PRKN: variants seen among roughly 807,000 people sequenced by gnomAD.
PRKN encodes the protein parkin RBR E3 ubiquitin protein ligase, also known as E3 ubiquitin-protein ligase parkin.
In PRKN, 56 loss-of-function variants were observed where a neutral mutation model predicts 59.5. The ratio of observed to expected loss-of-function variants is 0.94; its 90% CI spans 0.76 to 1.18. The LOEUF (loss-of-function observed/expected upper bound fraction) is 1.18. Ranked by LOEUF, PRKN falls within the 50% of genes most tolerant of loss-of-function variation. PRKN has a pLI of 0.00. For synonymous variants in PRKN, 250 were observed against 222.1 expected, an observed-to-expected ratio of 1.13 and a Z score of -1.12; for missense variants, 657 against 596.4, an observed-to-expected ratio of 1.10 and a Z score of -1.06.
intron 1 of PRKN, among the ~76,000 whole-genome samples, chr6:162,518,069 G>C (rs888550828): frequency 1.3e-5 from 2 of 152,110 alleles, no homozygotes; most frequent in East Asian, 3.9e-4. Context: ...GTTTTCATAG[G>C]TCAAGAGCTT....
At chr6:162,193,586 G>A (rs1394425387) in intron 4 of PRKN, among the ~76,000 whole-genome samples, 1 of 152,102 alleles carries the variant, frequency 6.6e-6, no homozygotes, top group South Asian at 2.1e-4. Flanking sequence ...ATGATCTGAT[G>A]TTTTCCTAAA....
chr6:162,536,996 T>C (rs1778746472), intron 1 of PRKN, among the ~76,000 whole-genome samples: 2 of 152,278 alleles, frequency 1.3e-5, no homozygotes, highest in East Asian at 1.9e-4. Context: ...AAGAGTTTTC[T>C]AACAATTATA....
At position 161,843,921 on chromosome 6, in the gene PRKN, T is replaced by C. The variant is rs534657994; in HGVS notation, c.735-58013A>G. Among the ~76,000 whole-genome samples, 9 of 152,284 alleles carry C rather than the reference T, an allele frequency of 5.9e-5. No individual in the cohort carries two copies. In the East Asian group the frequency reaches 1.7e-3, roughly 29 times the overall value. On this transcript the variant is annotated intron_variant, in intron 6 of 11. Transcript: ENST00000366898. The stretch of plus-strand genomic sequence containing the variant: ...CCCCTCCCTAGGATCCCTGTTGGGA[T>C]CTCTGGAGATGGTAACCTGCGTGGA...
intron 6 of PRKN, among the ~76,000 whole-genome samples, chr6:161,887,219 A>G (rs1795186629): frequency 1.3e-5 from 2 of 152,324 alleles, no homozygotes; most frequent in Admixed American, 1.3e-4. Context: ...TGGAGTAACT[A>G]TCTTGATTTG....
intron 2 of PRKN, among the ~76,000 whole-genome samples, chr6:162,301,788 G>GGGGT (rs1781969973): frequency 8.8e-6 from 1 of 113,820 alleles, no homozygotes; most frequent in Admixed American, 1.1e-4. Flanking sequence ...CGGGGCGGGG[G>GGGGT]GGGGGTGCAG....
chr6:161,855,283 C>T (rs35414624), intron 6 of PRKN, among the ~76,000 whole-genome samples: 1,645 of 152,072 alleles, frequency 0.011, 15 homozygotes, highest in Non-Finnish European at 0.016. Flanking sequence ...TAACATGCTG[C>T]CAGTTAAGAA....
At chr6:162,525,306 C>G (rs1198553772) in intron 1 of PRKN, among the ~76,000 whole-genome samples, 4 of 152,158 alleles carry the variant, frequency 2.6e-5, no homozygotes, top group Non-Finnish European at 5.9e-5. Context: ...CAGCTGCTGT[C>G]CCCTGGGTTC....
intron 6 of PRKN, among the ~76,000 whole-genome samples, chr6:161,878,971 T>A (rs941523167): frequency 6.6e-6 from 1 of 152,124 alleles, no homozygotes; most frequent in Non-Finnish European, 1.5e-5. Context: ...TCTTTGAGAG[T>A]TCCAGTGGCT....
intron 9 of PRKN, among the ~76,000 whole-genome samples, chr6:161,449,588 C>T (rs1388303322): frequency 2.0e-5 from 3 of 151,962 alleles, no homozygotes; most frequent in African/African-American, 7.3e-5. Flanking sequence ...ATAAGCTGAC[C>T]CATAAGTGCA....
At chr6:162,720,741 C>T (rs369588176) in intron 1 of PRKN, among the ~76,000 whole-genome samples, 2 of 152,108 alleles carry the variant, frequency 1.3e-5, no homozygotes, top group South Asian at 2.1e-4. Flanking sequence ...TGAGCCACCG[C>T]GCCCGGCCCA....
Position 162,010,881 on chromosome 6 carries a change from TATATA to T in PRKN, c.619-37469_619-37465del, listed in dbSNP as rs1181549464. 4.4e-4 allele frequency among the ~76,000 whole-genome samples: 4 copies of T among 9,044 alleles called. 1 individual carries two copies. The highest frequency in any genetic ancestry group is 3.7e-3 in the Admixed American group (1 of 270). The allele number at this position is 9,044 out of a possible 152,430, so 5.9% of individuals were successfully genotyped here. On this transcript the variant is annotated intron_variant, in intron 5 of 11. Transcript: ENST00000366898. The stretch of plus-strand genomic sequence containing the variant: ...ATATATAATATATTATAAAATATAT[TATATA>T]ATATATTATATATACTATAATATAT...
At chr6:161,797,627 T>G (rs904101810) in intron 6 of PRKN, among the ~76,000 whole-genome samples, 3 of 152,196 alleles carry the variant, frequency 2.0e-5, no homozygotes, top group Admixed American at 6.5e-5. Context: ...GTAGAGTGGT[T>G]TGAAATGAGG....
chr6:161,611,121 C>A (rs1195700159), intron 7 of PRKN, among the ~76,000 whole-genome samples: 1 of 152,024 alleles, frequency 6.6e-6, no homozygotes, highest in African/African-American at 2.4e-5. Flanking sequence ...CAGTTAATCC[C>A]AATGAATAAT....
In PRKN at chr6:161,615,803, T is replaced by C. The variant is rs534859207; in HGVS notation, c.872-46387A>G. Among the ~76,000 whole-genome samples, 15 of 152,348 alleles carry C rather than the reference T, an allele frequency of 9.8e-5. No homozygotes were observed. In the South Asian group the frequency reaches 3.1e-3, roughly 32 times the overall value. On this transcript the variant is annotated intron_variant, in intron 7 of 11. Coordinates refer to ENST00000366898, the MANE Select transcript of PRKN (RefSeq NM_004562.3). ...GGCTGCAGTGGCTGCAACGTGGACC[T>C]GACTATGAAGCAAAGGGGGAGAGAA...
chr6:162,154,832 G>T (rs1434421733), intron 4 of PRKN, among the ~76,000 whole-genome samples: 1 of 151,616 alleles, frequency 6.6e-6, no homozygotes, highest in East Asian at 1.9e-4. Context: ...TTTTTTATAT[G>T]AATGAAAACT....
At chr6:162,465,236 A>C (rs1054270755) in intron 1 of PRKN, among the ~76,000 whole-genome samples, 13 of 152,228 alleles carry the variant, frequency 8.5e-5, no homozygotes, top group African/African-American at 1.7e-4. Flanking sequence ...CGGTTAGCTT[A>C]TCTCTCAACT....
chr6:162,091,955 G>A (rs1029680847), intron 4 of PRKN, among the ~76,000 whole-genome samples: 3 of 151,914 alleles, frequency 2.0e-5, no homozygotes, highest in Non-Finnish European at 1.5e-5. Context: ...AGGATCCATT[G>A]AGCCCAGGAG....
At chr6:161,629,817 GCGATAGT>G (rs1225131212) in intron 7 of PRKN, among the ~76,000 whole-genome samples, 2 of 152,142 alleles carry the variant, frequency 1.3e-5, no homozygotes, top group Non-Finnish European at 2.9e-5. Flanking sequence ...AAATCTTGGG[GCGATAGT>G]GGTTACCTAG....
At position 161,399,997 on chromosome 6, in the gene PRKN, A is replaced by T. The variant is rs1786952396; in HGVS notation, c.1084-13120T>A. Among the ~76,000 whole-genome samples, 1 of 152,204 alleles carries T rather than the reference A, an allele frequency of 6.6e-6. No homozygotes were observed. The highest frequency in any genetic ancestry group is 1.5e-5 in the Non-Finnish European group (1 of 68,044). ...GAGTTATTTTATATTCATTTTTACT[A>T]AGCTTTTGGAATCGGGTCTGCTTTT... On this transcript the variant is annotated intron_variant, in intron 9 of 11. Coordinates refer to ENST00000366898, the MANE Select transcript of PRKN (RefSeq NM_004562.3). This position sits in a 1 kb window ranked among gnomAD's most constrained non-coding sequence, Gnocchi z 4.4.
Sources: gnomAD v4.1 joint callset for allele counts (sites outside exome capture counted in the v4.1 genomes callset) on GRCh38, gnomAD v4.1.1 for gene constraint, Gnocchi (gnomAD v3.1) non-coding constraint, MANE v1.5 for transcripts, NCBI Gene and HGNC (gene_info 2026-07-23, HGNC 2026-07-21) for gene names.